Variants in GRID2 observed in about 807,000 individuals in gnomAD.
GRID2 encodes the protein glutamate receptor ionotropic, delta-2.
In GRID2, 33 loss-of-function variants were observed where a neutral mutation model predicts 114.8. The ratio of observed to expected loss-of-function variants is 0.29; its 90% CI spans 0.22 to 0.38. The LOEUF (loss-of-function observed/expected upper bound fraction) is 0.38, where lower values mean the gene tolerates loss of function less well. GRID2 is among the 10% of genes least tolerant of loss of function. GRID2 has a pLI of 1.00. For synonymous variants in GRID2, 505 were observed against 449.9 expected (o/e 1.12, Z -1.55); for missense variants, 1,184 against 1,257.7 (o/e 0.94, Z 0.89).
chr4:93,383,229 T>G (rs2149311525), intron 8 of GRID2, among the ~76,000 whole-genome samples: 1 of 152,252 alleles, frequency 6.6e-6, no homozygotes, highest in South Asian at 2.1e-4. Flanking sequence ...AGTGACTACC[T>G]AGCCCTTCGT....
intron 8 of GRID2, among the ~76,000 whole-genome samples, chr4:93,296,063 G>T (rs1004294833): frequency 4.6e-5 from 7 of 152,144 alleles, no homozygotes; most frequent in African/African-American, 1.7e-4. Context: ...AGTTCTGGAG[G>T]CCAGAAGTTT....
At chr4:92,683,313 G>A (rs1257058462) in intron 2 of GRID2, among the ~76,000 whole-genome samples, 1 of 151,870 alleles carries the variant, frequency 6.6e-6, no homozygotes, top group African/African-American at 2.4e-5. Flanking sequence ...AAAAAAAATT[G>A]TAGTTAATAG....
chr4:92,986,988 A>G (rs1023554062), intron 2 of GRID2, among the ~76,000 whole-genome samples: 2 of 152,154 alleles, frequency 1.3e-5, no homozygotes, highest in Non-Finnish European at 2.9e-5. Context: ...AGGAGTTAAT[A>G]GAAAAATAAT....
At chr4:93,389,548 A>G (rs1343544857) in intron 8 of GRID2, among the ~76,000 whole-genome samples, 1 of 152,182 alleles carries the variant, frequency 6.6e-6, no homozygotes, top group Non-Finnish European at 1.5e-5. Flanking sequence ...CAAATCTGCC[A>G]TGTACCAATA....
chr4:93,714,491 C>T (rs750279392), intron 14 of GRID2, among the ~76,000 whole-genome samples: 143 of 152,054 alleles, frequency 9.4e-4, no homozygotes, highest in Non-Finnish European at 2.4e-4. Context: ...GTATTTCTGC[C>T]GCTAGGTCTT....
At chr4:92,698,932 A>G (rs1734542621) in intron 2 of GRID2, among the ~76,000 whole-genome samples, 1 of 152,174 alleles carries the variant, frequency 6.6e-6, no homozygotes, top group African/African-American at 2.4e-5. Flanking sequence ...CTCATTCAGT[A>G]CTGACAACAC....
intron 1 of GRID2, among the ~76,000 whole-genome samples, chr4:92,523,501 G>T (rs1724887298): frequency 6.6e-6 from 1 of 151,990 alleles, no homozygotes; most frequent in South Asian, 2.1e-4. Flanking sequence ...CCAAATGAAT[G>T]CAACCACTTA....
intron 1 of GRID2, among the ~76,000 whole-genome samples, chr4:92,582,531 G>C (rs1435383144): frequency 6.6e-6 from 1 of 151,646 alleles, no homozygotes; most frequent in African/African-American, 2.4e-5. Flanking sequence ...AAATCACTGA[G>C]ACAAATATTG....
chr4:92,763,147 C>T (rs538946047), intron 2 of GRID2, among the ~76,000 whole-genome samples: 24 of 152,124 alleles, frequency 1.6e-4, no homozygotes, highest in Non-Finnish European at 2.6e-4. Flanking sequence ...GCTATTGTAA[C>T]AATCTATAAT....
intron 2 of GRID2, among the ~76,000 whole-genome samples, chr4:92,636,962 C>T (rs1031818525): frequency 4.6e-5 from 7 of 151,850 alleles, no homozygotes; most frequent in African/African-American, 1.5e-4. Flanking sequence ...AGTTGTCAAA[C>T]GTATTTTCTG....
chr4:92,376,669 C>A (rs1233953757), intron 1 of GRID2, among the ~76,000 whole-genome samples: 2 of 152,138 alleles, frequency 1.3e-5, no homozygotes, highest in African/African-American at 2.4e-5. Context: ...CTGCAACAAA[C>A]TTCTGCCTGG....
chr4:92,849,060 T>G (rs1320358378), intron 2 of GRID2, among the ~76,000 whole-genome samples: 1 of 151,976 alleles, frequency 6.6e-6, no homozygotes. Context: ...TACACTTGCA[T>G]TAGCTTTCCA....
chr4:93,477,573 A>G (rs967896243), intron 11 of GRID2, among the ~76,000 whole-genome samples: 1 of 152,150 alleles, frequency 6.6e-6, no homozygotes, highest in Non-Finnish European at 1.5e-5. Flanking sequence ...TCTAATTTCA[A>G]TGTCATTTCA....
intron 13 of GRID2, among the ~76,000 whole-genome samples, chr4:93,598,316 C>G (rs1296246151): frequency 2.0e-5 from 3 of 152,108 alleles, no homozygotes; most frequent in Non-Finnish European, 4.4e-5. Context: ...GCTATCCCTC[C>G]CCCCATAGTC....
chr4:92,338,919 G>A lies in GRID2; in HGVS notation c.88+34175G>A, dbSNP rs1473171299. ...ACACTCTTTATTTTACAGGAGGTGT[G>A]GCAATTGAAGTTAATGAGTTAATGT... On this transcript the variant is annotated intron_variant, in intron 1 of 15. Transcript: ENST00000282020. Among the ~76,000 whole-genome samples the A allele has an allele frequency of 3.3e-5, 5 of 152,052 alleles. No homozygotes were observed. In the East Asian group the frequency reaches 9.7e-4, roughly 29 times the overall value.
At chr4:93,087,661 T>A (rs1369487093) in intron 3 of GRID2, among the ~76,000 whole-genome samples, 1 of 152,180 alleles carries the variant, frequency 6.6e-6, no homozygotes, top group Admixed American at 6.6e-5. Context: ...GCTTTAGGAA[T>A]TTTATTTTTG....
chr4:93,133,266 G>A (rs1036079958), intron 4 of GRID2, among the ~76,000 whole-genome samples: 2 of 152,110 alleles, frequency 1.3e-5, no homozygotes, highest in Admixed American at 6.6e-5. Context: ...AGCTAGATGT[G>A]TTATTTGATC....
intron 2 of GRID2, among the ~76,000 whole-genome samples, chr4:92,824,244 A>T (rs1021975452): frequency 1.3e-5 from 2 of 152,084 alleles, no homozygotes; most frequent in African/African-American, 4.8e-5. Flanking sequence ...TTAGGTTCTT[A>T]TATTTGTTGG....
intron 2 of GRID2, among the ~76,000 whole-genome samples, chr4:92,810,488 T>C (rs1740617612): frequency 1.3e-5 from 2 of 152,038 alleles, no homozygotes; most frequent in South Asian, 4.1e-4. Context: ...ATAATACAAT[T>C]TTTAAAAAAG....
Sources: allele counts gnomAD v4.1 joint callset (sites outside exome capture counted in the v4.1 genomes callset), GRCh38; gene constraint gnomAD v4.1.1; transcripts MANE v1.5; gene names NCBI Gene and HGNC (gene_info 2026-07-23, HGNC 2026-07-21).